ITPR2: variants seen among roughly 807,000 people sequenced by gnomAD.
The protein encoded by ITPR2 is inositol 1,4,5-trisphosphate-gated calcium channel ITPR2.
A neutral mutation model predicts 317.1 loss-of-function variants in ITPR2; 207 were observed. The observed-to-expected ratio is 0.65, with a 90% CI of 0.58 to 0.73. The LOEUF is 0.73. ITPR2 is among the 30% of genes least tolerant of loss of function. ITPR2 has a pLI of 0.00. For synonymous variants in ITPR2, 1,156 were observed against 1,149.1 expected (o/e 1.01, Z -0.12); for missense variants, 2,613 against 3,284.0 (o/e 0.80, Z 4.99).
chr12:26,411,282 T>C (rs373581693), intron 52 of ITPR2, 38 bp downstream of exon 52: 24 of 1,350,988 alleles, frequency 1.8e-5, no homozygotes, highest in South Asian at 3.6e-5. Flanking sequence ...ACTTCAAAGA[T>C]ATCAAGTTCA....
At chr12:26,518,244 T>C (rs1248587832) in intron 37 of ITPR2, among the ~76,000 whole-genome samples, 1 of 152,176 alleles carries the variant, frequency 6.6e-6, no homozygotes, top group Non-Finnish European at 1.5e-5. Context: ...TGGAGGCCAT[T>C]ATCCTAAGCA....
At chr12:26,508,499 A>G (rs925886188) in intron 37 of ITPR2, among the ~76,000 whole-genome samples, 1 of 152,168 alleles carries the variant, frequency 6.6e-6, no homozygotes, top group African/African-American at 2.4e-5. Flanking sequence ...TTTTGATATC[A>G]TAGGCCCCTA....
At chr12:26,586,305 G>A (rs562419922) in intron 32 of ITPR2, among the ~76,000 whole-genome samples, 3 of 151,816 alleles carry the variant, frequency 2.0e-5, no homozygotes, top group East Asian at 1.9e-4. Context: ...CCACCATGCC[G>A]AGCTTATTTT....
At chr12:26,431,919 A>G (rs1941220364) in intron 48 of ITPR2, among the ~76,000 whole-genome samples, 1 of 152,206 alleles carries the variant, frequency 6.6e-6, no homozygotes, top group Non-Finnish European at 1.5e-5. Context: ...GGAAGGTGGC[A>G]TATTTTAACC....
intron 49 of ITPR2, among the ~76,000 whole-genome samples, chr12:26,422,096 AATT>A (rs1349304405): frequency 1.3e-5 from 2 of 150,710 alleles, no homozygotes; most frequent in East Asian, 1.9e-4. Flanking sequence ...TTATTTATGA[AATT>A]ATTACTAATT....
At chr12:26,629,175 C>A (rs1444027001) in intron 22 of ITPR2, among the ~76,000 whole-genome samples, 2 of 152,210 alleles carry the variant, frequency 1.3e-5, no homozygotes, top group East Asian at 3.8e-4. Context: ...CTTCTCTCAT[C>A]CTCTCTCCGG....
intron 45 of ITPR2, among the ~76,000 whole-genome samples, chr12:26,449,052 TC>T (rs1941677290): frequency 6.6e-6 from 1 of 152,050 alleles, no homozygotes; most frequent in Non-Finnish European, 1.5e-5. Context: ...TCAGTTTGAG[TC>T]CAAGTAAGGA....
intron 26 of ITPR2, 140 bp downstream of exon 26, chr12:26,620,983 C>T (rs1946479344): frequency 1.4e-6 from 1 of 697,980 alleles, no homozygotes; most frequent in East Asian, 2.7e-5. Context: ...TAATTGACAA[C>T]TTAGCAAATG....
chr12:26,774,976 C>A (rs1272903048), intron 2 of ITPR2, among the ~76,000 whole-genome samples: 2 of 152,162 alleles, frequency 1.3e-5, no homozygotes, highest in South Asian at 2.1e-4. Flanking sequence ...GTGGCCCTGG[C>A]AGGACTGAGC....
At chr12:26,730,537 G>A (rs1949008222) in intron 2 of ITPR2, among the ~76,000 whole-genome samples, 2 of 152,136 alleles carry the variant, frequency 1.3e-5, no homozygotes, top group African/African-American at 4.8e-5. Context: ...ACAAATAAAA[G>A]GAAGTTATTT....
intron 46 of ITPR2, among the ~76,000 whole-genome samples, chr12:26,439,883 C>T (rs1166860454): frequency 1.3e-5 from 2 of 152,058 alleles, no homozygotes; most frequent in East Asian, 3.8e-4. Flanking sequence ...CATTTAAATA[C>T]TCATCATTTT....
intron 11 of ITPR2, among the ~76,000 whole-genome samples, chr12:26,684,103 CTT>C (rs1163399606): frequency 1.3e-5 from 2 of 152,200 alleles, no homozygotes; most frequent in East Asian, 3.8e-4. Context: ...GTTCTCCAAT[CTT>C]TGTTCAAATA....
chr12:26,757,773 G>A (rs1406364810), intron 2 of ITPR2, among the ~76,000 whole-genome samples: 5 of 152,118 alleles, frequency 3.3e-5, no homozygotes, highest in South Asian at 2.1e-4. Context: ...TAATTCAACC[G>A]TTATTCTTTC....
intron 32 of ITPR2, among the ~76,000 whole-genome samples, chr12:26,593,395 T>C (rs1945755865): frequency 6.6e-6 from 1 of 152,204 alleles, no homozygotes; most frequent in Non-Finnish European, 1.5e-5. Flanking sequence ...TAACCACACT[T>C]AGTTTTATAA....
chr12:26,360,666 G>A (rs1938796464), intron 55 of ITPR2, among the ~76,000 whole-genome samples: 1 of 152,174 alleles, frequency 6.6e-6, no homozygotes, highest in Non-Finnish European at 1.5e-5. Context: ...GGATGGTCTT[G>A]CCAACGTTAG....
chr12:26,356,637 T>G (rs1938649795), intron 55 of ITPR2, among the ~76,000 whole-genome samples: 1 of 152,228 alleles, frequency 6.6e-6, no homozygotes, highest in Non-Finnish European at 1.5e-5. Context: ...TCTAATTTTT[T>G]GTGCAATTTC....
chr12:26,389,725 G>T (rs1939776268), intron 54 of ITPR2, among the ~76,000 whole-genome samples: 1 of 151,784 alleles, frequency 6.6e-6, no homozygotes, highest in Non-Finnish European at 1.5e-5. Flanking sequence ...TTCTTATAGT[G>T]CTTACCACCT....
At chr12:26,409,959 TG>T (rs1218339465) in intron 52 of ITPR2, among the ~76,000 whole-genome samples, 2 of 152,178 alleles carry the variant, frequency 1.3e-5, no homozygotes, top group Non-Finnish European at 2.9e-5. Context: ...GAGAACAGGG[TG>T]GCTGTTTATG....
chr12:26,682,102 T>A, intron 12 of ITPR2, 68 bp from the exon 13 acceptor site: 2 of 1,247,306 alleles, frequency 1.6e-6, no homozygotes, highest in African/African-American at 3.0e-5. Flanking sequence ...GACTAACACA[T>A]CTAGTACTGT....
Sources: allele counts gnomAD v4.1 joint callset (sites outside exome capture counted in the v4.1 genomes callset), GRCh38; gene constraint gnomAD v4.1.1; transcripts MANE v1.5; gene names NCBI Gene and HGNC (gene_info 2026-07-23, HGNC 2026-07-21).